The following VWF variants were observed in gnomAD, a reference collection of about 807,000 sequenced individuals.
VWF encodes the protein von Willebrand factor.
In VWF, 176 loss-of-function variants were observed where a neutral mutation model predicts 308.6. The ratio of observed to expected loss-of-function variants is 0.57; its 90% CI spans 0.50 to 0.65. VWF has a LOEUF of 0.65. Among genes scored for constraint, VWF ranks in the 30% least tolerant of loss-of-function variants. VWF has a pLI of 0.00. For synonymous variants in VWF, 1,385 were observed against 1,443.4 expected (o/e 0.96, Z 0.92); for missense variants, 3,146 against 3,648.2 (o/e 0.86, Z 3.55).
chr12:6,092,628 T>TGAGAGAGAGAGAGAGAGAGAGAGAGA (rs1565386731), intron 6 of VWF, among the ~76,000 whole-genome samples: 43 of 80,224 alleles, frequency 5.4e-4, no homozygotes, highest in African/African-American at 2.6e-3. Flanking sequence ...AGTGTGTGTG[T>TGAGAGAGAGAGAGAGAGAGAGAGAGA]GTGTGTGTGT....
Position 6,090,556 on chromosome 12 carries a change from G to A in VWF, c.657+4904C>T, listed in dbSNP as rs185259312. Reference sequence around the variant, plus strand: ...ATTCTCAAGGCAGGGGCACTCCAGCGGAAAACACGGGACAGTGGGAGAATA... The same window carrying A: ...ATTCTCAAGGCAGGGGCACTCCAGCAGAAAACACGGGACAGTGGGAGAATA... On this transcript the variant is annotated intron_variant, in intron 6 of 51. Transcript: ENST00000261405. 7.9e-5 allele frequency among the ~76,000 whole-genome samples: 12 copies of A among 152,112 alleles called. No homozygotes were observed. The East Asian group carries it at 1.2e-3, about 15-fold the overall frequency.
intron 34 of VWF, among the ~76,000 whole-genome samples, chr12:6,001,682 T>C (rs1943875155): frequency 6.6e-6 from 1 of 152,012 alleles, no homozygotes; most frequent in Non-Finnish European, 1.5e-5. Flanking sequence ...ACCAGATAGA[T>C]AAAATGGGGA....
In VWF at chr12:6,056,219, C is replaced by T. The variant is rs111544383; in HGVS notation, c.1945+638G>A. ...CAGTAAGTTTGGAGTTCCACATCAT[C>T]ACTGTTGCCCGACCACACTGGGCAT... On this transcript the variant is annotated intron_variant, in intron 15 of 51. Transcript: ENST00000261405. Among the ~76,000 whole-genome samples, 1,234 of 143,796 alleles carry T rather than the reference C, an allele frequency of 8.6e-3. 10 individuals are homozygous for T. The highest frequency in any genetic ancestry group is 0.031 in the African/African-American group (1,162 of 37,726). 94.3% of individuals were successfully genotyped at this position (143,796 alleles called of 152,430 possible). A position where few individuals can be genotyped will look rare whatever the true frequency, so the allele number is the denominator to read the frequency against.
At chr12:5,992,473 G>C (rs1378184101) in intron 37 of VWF, among the ~76,000 whole-genome samples, 1 of 152,192 alleles carries the variant, frequency 6.6e-6, no homozygotes, top group Non-Finnish European at 1.5e-5. Flanking sequence ...AATCCAGTTT[G>C]AGGCCCAGAA....
chr12:6,010,340 A>G (rs1490600123), intron 34 of VWF, among the ~76,000 whole-genome samples: 1 of 152,234 alleles, frequency 6.6e-6, no homozygotes, highest in Non-Finnish European at 1.5e-5. Flanking sequence ...CAACACACTC[A>G]GCAAGGCCGT....
rs149584095 is a variant in VWF at position 6,074,689 on chromosome 12, T to C, written c.874+646A>G. ...GGAACCATCACAGACTGCTTATCCG[T>C]CTGCATGGCTTTTAATCACTGGAAG... On this transcript the variant is annotated intron_variant, in intron 7 of 51. Coordinates refer to ENST00000261405, the MANE Select transcript of VWF (RefSeq NM_000552.5). 9.5e-4 allele frequency among the ~76,000 whole-genome samples: 144 copies of C among 152,144 alleles called. 2 individuals are homozygous for C. The highest frequency in any genetic ancestry group is 3.1e-3 in the African/African-American group (128 of 41,502).
chr12:6,016,181 G>A lies in VWF; in HGVS notation c.5363C>T (p.Ala1788Val). 5 of 1,614,144 alleles carry A rather than the reference G, an allele frequency of 3.1e-6. No homozygotes were observed. The highest frequency in any genetic ancestry group is 4.2e-6 in the Non-Finnish European group (5 of 1,180,020). ...CACCGCCTTTGAGGCTCCCGGCCTGGCACCATGCATTTCTGAAGTCAAGTA... is the reference window on the plus strand; with the variant it reads ...CACCGCCTTTGAGGCTCCCGGCCTGACACCATGCATTTCTGAAGTCAAGTA... ...VRYLTSEMHG[A>V]RPGASKAVVI... The change falls in exon 31 of 52, where the codon GCC becomes GTC. Residue 1788 changes from alanine to valine, a missense_variant. Coordinates refer to ENST00000261405, the MANE Select transcript of VWF (RefSeq NM_000552.5).
chr12:6,053,437 C>T (rs115927863), intron 15 of VWF, among the ~76,000 whole-genome samples: 1 of 152,134 alleles, frequency 6.6e-6, no homozygotes, highest in African/African-American at 2.4e-5. Context: ...CCCTTACTCT[C>T]TAGAAAGAAA....
intron 34 of VWF, among the ~76,000 whole-genome samples, chr12:6,008,784 T>G (rs187536256): frequency 4.6e-5 from 7 of 152,296 alleles, no homozygotes; most frequent in Admixed American, 1.3e-4. Flanking sequence ...TCACCAAAAA[T>G]TTGTTAGCAA....
Position 6,046,586 on chromosome 12 carries a change from G to T in VWF, c.2281+137C>A. 1.2e-6 allele frequency: 1 copy of T among 837,930 alleles called. No homozygotes were observed. Among genetic ancestry groups the T allele is most frequent in the Non-Finnish European group, 2.0e-6 (1 of 507,632 alleles). 51.9% of individuals were successfully genotyped at this position (837,930 alleles called of 1,614,324 possible). ...CTCACACAAACCCAGAAATGAAGGC[G>T]ATCCTGGGCGAAGCCAGACCCATGC... On this transcript the variant is annotated intron_variant, in intron 17 of 51. Transcript: ENST00000261405. The surrounding 1 kb of genome is among the most constrained non-coding windows in gnomAD (Gnocchi z 5.0).
chr12:6,051,067 G>C (rs1944504183), intron 16 of VWF, among the ~76,000 whole-genome samples: 1 of 151,532 alleles, frequency 6.6e-6, no homozygotes, highest in African/African-American at 2.4e-5. Context: ...TTTATTTATT[G>C]AAATACATAC....
rs201372397 is a variant in VWF at position 5,985,574 on chromosome 12, G to A, written c.6890C>T (p.Pro2297Leu). Residue 2297 changes from proline to leucine, a missense_variant, in exon 39 of 52, where the codon CCC becomes CTC. Transcript: ENST00000261405. ...GGGAGGACTCTCACCTTTGGCCGTG[G>A]GGCAGGGCTGCGTTGTGCAGTTGAC... ...RKVNCTTQPC[P>L]TAKAPTCGLC... 4.2e-5 allele frequency: 67 copies of A among 1,613,842 alleles called. 1 individual carries two copies. Among genetic ancestry groups the A allele is most frequent in the Admixed American group, 1.3e-4 (8 of 60,006 alleles).
intron 22 of VWF, among the ~76,000 whole-genome samples, chr12:6,027,373 T>C (rs11831654): frequency 0.28 from 42,888 of 152,004 alleles, 6,818 homozygotes; most frequent in African/African-American, 0.42. Context: ...CATCCCCTCT[T>C]CACAGGGCTC....
chr12:6,056,171 G>T (rs1423720351), intron 15 of VWF, among the ~76,000 whole-genome samples: 2 of 145,440 alleles, frequency 1.4e-5, no homozygotes, highest in Non-Finnish European at 3.0e-5. Context: ...TAGTAGGGCG[G>T]CCATTTCCAT....
At chr12:5,995,566 GTTTTC>G (rs915348719) in intron 35 of VWF, among the ~76,000 whole-genome samples, 9 of 152,152 alleles carry the variant, frequency 5.9e-5, no homozygotes, top group African/African-American at 2.2e-4. Flanking sequence ...CAGTTTTGCA[GTTTTC>G]TTTTCAAATT....
At chr12:6,080,881 GC>G (rs1944901813) in intron 6 of VWF, among the ~76,000 whole-genome samples, 1 of 152,166 alleles carries the variant, frequency 6.6e-6, no homozygotes, top group African/African-American at 2.4e-5. Flanking sequence ...CCTAGGTTAT[GC>G]CCTCCATGGC....
chr12:6,047,349 C>T (rs1253418726), intron 16 of VWF, among the ~76,000 whole-genome samples: 2 of 152,198 alleles, frequency 1.3e-5, no homozygotes, highest in Non-Finnish European at 2.9e-5. Flanking sequence ...GTCTCAAACA[C>T]ACCTCAAACT....
chr12:6,097,824 T>C (rs1945121217), intron 5 of VWF, among the ~76,000 whole-genome samples: 6 of 152,232 alleles, frequency 3.9e-5, no homozygotes, highest in Admixed American at 3.9e-4. Context: ...TTGTGACAGG[T>C]ACTCTCTGGG....
chr12:5,965,989 C>T (rs779185517), intron 47 of VWF, among the ~76,000 whole-genome samples: 2 of 152,200 alleles, frequency 1.3e-5, no homozygotes, highest in Non-Finnish European at 2.9e-5. Context: ...AAACCTACAT[C>T]TGAGACTGGA....
Sources: allele counts gnomAD v4.1 joint callset (sites outside exome capture counted in the v4.1 genomes callset), GRCh38; gene constraint gnomAD v4.1.1; non-coding constraint Gnocchi (gnomAD v3.1); transcripts MANE v1.5; gene names NCBI Gene and HGNC (gene_info 2026-07-23, HGNC 2026-07-21).